The following SENP8 variants were observed in gnomAD, a reference collection of about 807,000 sequenced individuals.
SENP8 encodes the protein SUMO peptidase family member, NEDD8 specific.
SENP8 carries 10 observed loss-of-function variants against 14.4 expected under a neutral mutation model. That is an observed-to-expected ratio of 0.69 (90% CI 0.43 to 1.18). The LOEUF (loss-of-function observed/expected upper bound fraction) is 1.18, where lower values mean the gene tolerates loss of function less well. Ranked by LOEUF, SENP8 falls within the 50% of genes most tolerant of loss-of-function variation. The probability of loss-of-function intolerance (pLI) is 0.00; values close to 1 mark genes in which losing one functional copy is unlikely to be tolerated. For missense variants in SENP8, 202 were observed against 249.4 expected (o/e 0.81, Z 1.28); for synonymous variants, 94 against 95.5 (o/e 0.98, Z 0.09).
At chr15:72,118,390 T>C (rs1033031767), upstream of SENP8, 3 of 159,572 alleles carry the variant, frequency 1.9e-5, no homozygotes, top group African/African-American at 7.2e-5. Context: ...CCTCTGAGTT[T>C]GCGACCGTAG....
intron 1 of SENP8, among the ~76,000 whole-genome samples, chr15:72,125,746 T>C (rs1377121687): frequency 6.6e-6 from 1 of 152,098 alleles, no homozygotes; most frequent in Non-Finnish European, 1.5e-5. Context: ...CTCTAGTGTG[T>C]GTGTGTGCAT....
chr15:72,124,004 C>T (rs2081190935), intron 1 of SENP8, among the ~76,000 whole-genome samples: 1 of 152,076 alleles, frequency 6.6e-6, no homozygotes. Context: ...TCTCCTTGGC[C>T]CCAGACAGAA....
intron 1 of SENP8, among the ~76,000 whole-genome samples, chr15:72,120,327 T>C (rs1257362387): frequency 1.3e-5 from 2 of 152,224 alleles, no homozygotes; most frequent in East Asian, 1.9e-4. Flanking sequence ...GGCTGCTATC[T>C]ATTAACTAGG....
rs1184867555 is a variant in SENP8 at position 72,140,916 on chromosome 15, A to C, written c.*654A>C. The C allele has an allele frequency of 6.0e-6, 1 of 167,146 alleles. No homozygotes were observed. The highest frequency in any genetic ancestry group is 2.4e-5 in the African/African-American group (1 of 41,460). The allele number at this position is 167,146 out of a possible 1,614,324, so 10.4% of individuals were successfully genotyped here. On this transcript the variant is annotated 3_prime_UTR_variant, in exon 2 of 2. Transcript: ENST00000340912. ...TCCATCTGATTCCTGGAATGCTTGA[A>C]GAAAGGGGAAATCTTGAGTAACCTC... is the stretch of plus-strand genomic sequence containing the variant.
chr15:72,114,333 C>G (rs1365575193), upstream of SENP8: 1 of 152,224 alleles, frequency 6.6e-6, no homozygotes, highest in Non-Finnish European at 1.5e-5. Context: ...AAGAAGACCA[C>G]TCAGCATTAC....
chr15:72,130,707 GC>G (rs1567068440), intron 1 of SENP8, among the ~76,000 whole-genome samples: 1 of 151,998 alleles, frequency 6.6e-6, no homozygotes, highest in Admixed American at 6.6e-5. Flanking sequence ...GCAATTACAG[GC>G]ATGCGCCACC....
At chr15:72,129,807 A>G (rs2081255341) in intron 1 of SENP8, among the ~76,000 whole-genome samples, 1 of 151,248 alleles carries the variant, frequency 6.6e-6, no homozygotes, top group African/African-American at 2.4e-5. Context: ...GCACCACTGC[A>G]TTCCAGCCTG....
At chr15:72,130,557 AT>A (rs11411490) in intron 1 of SENP8, among the ~76,000 whole-genome samples, 2,920 of 106,100 alleles carry the variant, frequency 0.028, 61 homozygotes, top group African/African-American at 0.097. Flanking sequence ...ATGTTTTAGG[AT>A]TTTTTTTTTT....
chr15:72,129,369 T>A (rs1265890068), intron 1 of SENP8, among the ~76,000 whole-genome samples: 1 of 140,078 alleles, frequency 7.1e-6, no homozygotes, highest in Admixed American at 7.8e-5. Flanking sequence ...TCTCTACAAA[T>A]TTTTTTTTTT....
In SENP8 at chr15:72,141,291, C is replaced by T. The variant is rs891920280; in HGVS notation, c.*1029C>T. On this transcript the variant is annotated 3_prime_UTR_variant, in exon 2 of 2. Transcript: ENST00000340912. ...TTAAATATAAAGGAAGAAAAGTGACCTTTCTCAGCCCTTTTACTTAATTAA... is the reference window on the plus strand; with the variant it reads ...TTAAATATAAAGGAAGAAAAGTGACTTTTCTCAGCCCTTTTACTTAATTAA... 1.3e-5 allele frequency: 2 copies of T among 152,078 alleles called. No homozygotes were observed. Among genetic ancestry groups the T allele is most frequent in the African/African-American group, 4.8e-5 (2 of 41,422 alleles). 9.4% of individuals were successfully genotyped at this position (152,078 alleles called of 1,614,324 possible). A position where few individuals can be genotyped will look rare whatever the true frequency, so the allele number is the denominator to read the frequency against.
At chr15:72,131,231 A>G (rs1199189875) in intron 1 of SENP8, among the ~76,000 whole-genome samples, 1 of 152,158 alleles carries the variant, frequency 6.6e-6, no homozygotes, top group Non-Finnish European at 1.5e-5. Context: ...AATCTCATAG[A>G]TGATTCTAAT....
upstream of SENP8, chr15:72,116,703 G>T (rs1314442726): frequency 3.9e-5 from 6 of 152,212 alleles, no homozygotes; most frequent in Admixed American, 3.3e-4. Flanking sequence ...AATCGACAAG[G>T]AGGTGAAGTA....
chr15:72,128,312 A>G (rs2081240148), intron 1 of SENP8, among the ~76,000 whole-genome samples: 1 of 152,212 alleles, frequency 6.6e-6, no homozygotes. Context: ...ACTTTAATAA[A>G]TGTTTCTCTC....
chr15:72,140,355 C>G lies in SENP8; in HGVS notation c.*93C>G, dbSNP rs555090288. 75 of 861,036 alleles carry G rather than the reference C, an allele frequency of 8.7e-5. No homozygotes were observed. In the African/African-American group the frequency reaches 1.1e-3, roughly 13 times the overall value. The allele number at this position is 861,036 out of a possible 1,614,324, so 53.3% of individuals were successfully genotyped here. A position where few individuals can be genotyped will look rare whatever the true frequency, so the allele number is the denominator to read the frequency against. On this transcript the variant is annotated 3_prime_UTR_variant, in exon 2 of 2. Coordinates refer to ENST00000340912, the MANE Select transcript of SENP8 (RefSeq NM_145204.4). ...CAATCTCAGTGCCTGAGGGAAGATG[C>G]CTAGTAGAGGAAAGCTTAATACTCT...
chr15:72,135,029 C>T (rs2081313041), intron 1 of SENP8: 1 of 338,144 alleles, frequency 3.0e-6, no homozygotes, highest in Non-Finnish European at 5.9e-6. Context: ...GAAGCACCAG[C>T]CTGCTCCACC....
intron 1 of SENP8, among the ~76,000 whole-genome samples, chr15:72,120,921 C>G (rs757599942): frequency 4.6e-5 from 7 of 152,182 alleles, no homozygotes; most frequent in African/African-American, 7.2e-5. Context: ...AACAAAGATG[C>G]AATTGTTTTC....
At chr15:72,136,662 C>G (rs1232160794) in intron 1 of SENP8, among the ~76,000 whole-genome samples, 1 of 152,036 alleles carries the variant, frequency 6.6e-6, no homozygotes, top group African/African-American at 2.4e-5. Flanking sequence ...ATGGTTATAT[C>G]ACAAAAATTA....
chr15:72,140,478 T>C lies in SENP8; in HGVS notation c.*216T>C. ...TATGTTCTGTGAAAATATCTTGAAA[T>C]TGTACACCAAAACCTTACAACCAAC... On this transcript the variant is annotated 3_prime_UTR_variant, in exon 2 of 2. Transcript: ENST00000340912. The C allele has an allele frequency of 9.1e-6, 5 of 547,744 alleles. No homozygotes were observed. Among genetic ancestry groups the C allele is most frequent in the Non-Finnish European group, 1.7e-5 (5 of 301,758 alleles). 33.9% of individuals were successfully genotyped at this position (547,744 alleles called of 1,614,324 possible).
chr15:72,116,176 G>C (rs1401233020), upstream of SENP8, among the ~76,000 whole-genome samples: 1 of 152,218 alleles, frequency 6.6e-6, no homozygotes, highest in African/African-American at 2.4e-5. Context: ...TGGCTGGAGA[G>C]TGAAGGCGGA....
Sources: gnomAD v4.1 joint callset for allele counts (sites outside exome capture counted in the v4.1 genomes callset) on GRCh38, gnomAD v4.1.1 for gene constraint, MANE v1.5 for transcripts, NCBI Gene and HGNC (gene_info 2026-07-23, HGNC 2026-07-21) for gene names.